The following CTNNA2 variants were observed in gnomAD, a reference collection of about 807,000 sequenced individuals.
The protein encoded by CTNNA2 is catenin alpha 2, also known as catenin alpha-2.
CTNNA2 carries 42 observed loss-of-function variants against 101.0 expected under a neutral mutation model. The observed-to-expected ratio is 0.42, with a 90% CI of 0.32 to 0.54. The LOEUF is 0.54. CTNNA2 is among the 20% of genes least tolerant of loss of function. The pLI, the probability that CTNNA2 is intolerant of heterozygous loss-of-function variation, is 0.14. For missense variants in CTNNA2, 871 were observed against 1,223.1 expected (o/e 0.71, Z 4.29); for synonymous variants, 450 against 456.4 (o/e 0.99, Z 0.18).
chr2:79,375,334 G>A (rs945242350), intron 4 of CTNNA2, among the ~76,000 whole-genome samples: 1 of 152,146 alleles, frequency 6.6e-6, no homozygotes, highest in African/African-American at 2.4e-5. Flanking sequence ...AAGAATTGCA[G>A]TAAATAAGTG....
At chr2:80,176,868 C>G (rs1431755791) in intron 7 of CTNNA2, among the ~76,000 whole-genome samples, 1 of 152,194 alleles carries the variant, frequency 6.6e-6, no homozygotes, top group African/African-American at 2.4e-5. Context: ...GCAATCTTAA[C>G]TTCCAGTTTA....
chr2:79,207,413 C>T (rs1674113708), intron 2 of CTNNA2, among the ~76,000 whole-genome samples: 1 of 152,144 alleles, frequency 6.6e-6, no homozygotes, highest in Non-Finnish European at 1.5e-5. Flanking sequence ...TCTGCTTCTA[C>T]CTTCAAGTAA....
intron 4 of CTNNA2, among the ~76,000 whole-genome samples, chr2:79,452,299 T>C (rs1670765561): frequency 6.6e-6 from 1 of 151,902 alleles, no homozygotes; most frequent in Admixed American, 6.6e-5. Flanking sequence ...GTCACTTACT[T>C]TGGAGAATCC....
chr2:79,256,384 G>A (rs1573001469), intron 2 of CTNNA2, among the ~76,000 whole-genome samples: 1 of 152,280 alleles, frequency 6.6e-6, no homozygotes, highest in Non-Finnish European at 1.5e-5. Flanking sequence ...CTCAGGGGCT[G>A]TCCATCATTT....
chr2:79,628,481 A>G (rs1306707568), intron 1 of CTNNA2, among the ~76,000 whole-genome samples: 4 of 152,250 alleles, frequency 2.6e-5, no homozygotes, highest in Admixed American at 1.3e-4. Context: ...ATTTGCTTCA[A>G]TATCCGGTTG....
At chr2:79,760,012 C>T (rs1672671373) in intron 3 of CTNNA2, among the ~76,000 whole-genome samples, 3 of 152,130 alleles carry the variant, frequency 2.0e-5, no homozygotes, top group Non-Finnish European at 2.9e-5. Flanking sequence ...ATAGCATATT[C>T]GTTAAGAGTA....
chr2:79,550,275 A>C (rs1289576207), intron 1 of CTNNA2, among the ~76,000 whole-genome samples: 3 of 152,152 alleles, frequency 2.0e-5, no homozygotes, highest in Non-Finnish European at 4.4e-5. Flanking sequence ...TTTGAGGTAA[A>C]AGGGCTAGAA....
At chr2:80,586,660 G>T (rs1695998678) in intron 14 of CTNNA2, 1 of 152,134 alleles carries the variant, frequency 6.6e-6, no homozygotes, top group Non-Finnish European at 1.5e-5. Flanking sequence ...ATAAACTCTT[G>T]TATATCAAGC....
intron 18 of CTNNA2, among the ~76,000 whole-genome samples, chr2:80,632,638 T>A (rs1672424032): frequency 6.6e-6 from 1 of 152,134 alleles, no homozygotes; most frequent in African/African-American, 2.4e-5. Context: ...TACTTTTCTC[T>A]TGTTTTGCTA....
chr2:79,668,578 T>A (rs1303922766), intron 2 of CTNNA2, among the ~76,000 whole-genome samples: 2 of 152,222 alleles, frequency 1.3e-5, no homozygotes, highest in African/African-American at 4.8e-5. Flanking sequence ...CTCAAGATAG[T>A]ATTCTACTTA....
intron 7 of CTNNA2, among the ~76,000 whole-genome samples, chr2:80,250,802 A>T (rs1030027799): frequency 6.6e-6 from 1 of 152,162 alleles, no homozygotes; most frequent in East Asian, 1.9e-4. Flanking sequence ...GCAATACTTT[A>T]TCTTCTGAAC....
intron 2 of CTNNA2, among the ~76,000 whole-genome samples, chr2:79,232,468 T>A (rs1674504666): frequency 6.6e-6 from 1 of 152,204 alleles, no homozygotes; most frequent in Non-Finnish European, 1.5e-5. Flanking sequence ...GTCGAGTACC[T>A]ATGTTCATCA....
intron 2 of CTNNA2, among the ~76,000 whole-genome samples, chr2:79,688,005 A>G (rs1471560310): frequency 6.6e-6 from 1 of 152,112 alleles, no homozygotes; most frequent in African/African-American, 2.4e-5. Context: ...TCGATTTGAG[A>G]GGAGGGAAAA....
At chr2:79,412,734 A>G (rs1026182605) in intron 4 of CTNNA2, among the ~76,000 whole-genome samples, 3 of 152,096 alleles carry the variant, frequency 2.0e-5, no homozygotes, top group African/African-American at 7.2e-5. Flanking sequence ...TCTCTGGGAC[A>G]CATTCAAAGC....
chr2:80,374,523 G>A (rs980476092), intron 7 of CTNNA2, among the ~76,000 whole-genome samples: 2 of 152,050 alleles, frequency 1.3e-5, no homozygotes, highest in African/African-American at 4.8e-5. Flanking sequence ...CTTATTCACA[G>A]AAAACAACAG....
intron 14 of CTNNA2, among the ~76,000 whole-genome samples, chr2:80,585,843 A>G (rs1380845024): frequency 6.6e-6 from 1 of 152,180 alleles, no homozygotes; most frequent in Non-Finnish European, 1.5e-5. Context: ...TAAAAGCAAG[A>G]GCATTTTAAG....
chr2:79,720,376 A>T (rs1409875110), intron 2 of CTNNA2, among the ~76,000 whole-genome samples: 1 of 151,634 alleles, frequency 6.6e-6, no homozygotes, highest in Non-Finnish European at 1.5e-5. Context: ...GGCAATTCAG[A>T]CTCTTTTTTG....
chr2:79,966,858 T>C (rs1294346297), intron 7 of CTNNA2, among the ~76,000 whole-genome samples: 1 of 152,120 alleles, frequency 6.6e-6, no homozygotes, highest in Non-Finnish European at 1.5e-5. Context: ...CCCTTCCTCC[T>C]GAGACACACA....
chr2:80,450,424 C>T (rs1683406541), intron 9 of CTNNA2, among the ~76,000 whole-genome samples: 2 of 152,006 alleles, frequency 1.3e-5, no homozygotes, highest in South Asian at 4.1e-4. Context: ...TGGGAACATC[C>T]AGAGAACATC....
Sources: allele counts gnomAD v4.1 joint callset (sites outside exome capture counted in the v4.1 genomes callset), GRCh38; gene constraint gnomAD v4.1.1; transcripts MANE v1.5; gene names NCBI Gene and HGNC (gene_info 2026-07-23, HGNC 2026-07-21).